SLC35F3: variants seen among roughly 807,000 people sequenced by gnomAD.
The protein encoded by SLC35F3 is putative thiamine transporter SLC35F3.
In SLC35F3, 25 loss-of-function variants were observed where a neutral mutation model predicts 49.9. The ratio of observed to expected loss-of-function variants is 0.50; its 90% CI spans 0.37 to 0.70. SLC35F3 has a LOEUF of 0.70. Among genes scored for constraint, SLC35F3 ranks in the 30% least tolerant of loss-of-function variants. SLC35F3 has a pLI of 0.00. For missense variants in SLC35F3, 525 were observed against 639.8 expected (o/e 0.82, Z 1.94); for synonymous variants, 275 against 265.4 (o/e 1.04, Z -0.35).
At chr1:234,285,206 G>T in intron 3 of SLC35F3, 1 of 402,226 alleles carries the variant, frequency 2.5e-6, no homozygotes, top group South Asian at 1.9e-5. Flanking sequence ...CTCATGCACA[G>T]AACATGATCA....
At chr1:233,907,958 T>G in intron 2 of SLC35F3, among the ~76,000 whole-genome samples, 1 of 152,214 alleles carries the variant, frequency 6.6e-6, no homozygotes, top group East Asian at 1.9e-4. Flanking sequence ...ACTCCTGACC[T>G]CAGGTTATCC....
intron 3 of SLC35F3, among the ~76,000 whole-genome samples, chr1:234,298,079 A>G (rs779519108): frequency 6.6e-6 from 1 of 152,212 alleles, no homozygotes; most frequent in Admixed American, 6.5e-5. Flanking sequence ...CAAACTCATT[A>G]AATTGTATAC....
At chr1:233,948,698 G>A (rs1006743329) in intron 2 of SLC35F3, among the ~76,000 whole-genome samples, 14 of 151,926 alleles carry the variant, frequency 9.2e-5, no homozygotes, top group African/African-American at 3.4e-4. Context: ...ATCTCCCAAT[G>A]CCATCCCTAC....
chr1:234,022,487 T>A (rs1663911647), intron 2 of SLC35F3, among the ~76,000 whole-genome samples: 1 of 152,170 alleles, frequency 6.6e-6, no homozygotes, highest in African/African-American at 2.4e-5. Context: ...CCTCAAGGCC[T>A]TCAACTGATT....
At chr1:234,267,676 G>T (rs1299989788) in intron 3 of SLC35F3, among the ~76,000 whole-genome samples, 1 of 150,162 alleles carries the variant, frequency 6.7e-6, no homozygotes, top group African/African-American at 2.5e-5. Flanking sequence ...GCTGCCGGGC[G>T]GAGACGCTCC....
chr1:234,213,622 T>C (rs995896995), intron 2 of SLC35F3: 5 of 152,234 alleles, frequency 3.3e-5, no homozygotes, highest in African/African-American at 4.8e-5. Flanking sequence ...GTGCCAGCAG[T>C]GAAGCTGGTG....
intron 3 of SLC35F3, among the ~76,000 whole-genome samples, chr1:234,253,588 A>T (rs1398667922): frequency 6.6e-6 from 1 of 152,194 alleles, no homozygotes; most frequent in Non-Finnish European, 1.5e-5. Context: ...GGTTAAATGC[A>T]TTATGTTGTC....
Position 234,323,412 on chromosome 1 carries a change from C to T in SLC35F3, c.*169C>T, listed in dbSNP as rs576275146. Reference sequence around the variant, plus strand: ...TTGCACTTTTCCACATCAGACCTTCCACTTAAGGGTACCAATTCAATACAA... The same window carrying T: ...TTGCACTTTTCCACATCAGACCTTCTACTTAAGGGTACCAATTCAATACAA... On this transcript the variant is annotated 3_prime_UTR_variant, in exon 8 of 8. Transcript: ENST00000366618. This position sits in a 1 kb window ranked among gnomAD's most constrained non-coding sequence, Gnocchi z 4.5. The T allele has an allele frequency of 2.1e-4, 126 of 609,768 alleles. 1 individual carries two copies. In the African/African-American group the frequency reaches 2.2e-3, roughly 11 times the overall value. The allele number at this position is 609,768 out of a possible 1,614,324, so 37.8% of individuals were successfully genotyped here.
intron 2 of SLC35F3, among the ~76,000 whole-genome samples, chr1:234,178,392 A>G (rs1477362659): frequency 6.7e-6 from 1 of 149,680 alleles, no homozygotes; most frequent in Non-Finnish European, 1.5e-5. Context: ...TGCCATTTAT[A>G]TTGTTTCTCT....
chr1:234,163,182 C>T (rs1189252391), intron 2 of SLC35F3, among the ~76,000 whole-genome samples: 2 of 152,194 alleles, frequency 1.3e-5, no homozygotes, highest in Non-Finnish European at 2.9e-5. Flanking sequence ...GAACTTTCAT[C>T]AGTTTTGGTT....
In SLC35F3 at chr1:234,248,551, G is replaced by C. The variant is rs529477569; in HGVS notation, c.608+16810G>C. ...GGCTGGTGCATTGTTTGGTGGGTTG[G>C]TTGGCTGGTTCATTTTTGGTTTCAG... On this transcript the variant is annotated intron_variant, in intron 3 of 7. Coordinates refer to ENST00000366618, the MANE Select transcript of SLC35F3 (RefSeq NM_173508.4). 2.0e-4 allele frequency among the ~76,000 whole-genome samples: 31 copies of C among 152,384 alleles called. 1 individual carries two copies. Among genetic ancestry groups the C allele is most frequent in the Middle Eastern group, 3.4e-3 (1 of 294 alleles).
At chr1:233,910,491 G>A (rs1661856406) in intron 2 of SLC35F3, among the ~76,000 whole-genome samples, 2 of 152,210 alleles carry the variant, frequency 1.3e-5, no homozygotes, top group African/African-American at 4.8e-5. Flanking sequence ...GTCAGTGTAT[G>A]TCAGAATAGA....
At chr1:234,085,448 A>C (rs1448877230) in intron 2 of SLC35F3, among the ~76,000 whole-genome samples, 1 of 152,168 alleles carries the variant, frequency 6.6e-6, no homozygotes, top group East Asian at 1.9e-4. Flanking sequence ...ATTTGGAGAT[A>C]AGTATTCCCC....
At chr1:234,250,763 A>G (rs1240601199) in intron 3 of SLC35F3, among the ~76,000 whole-genome samples, 1 of 152,082 alleles carries the variant, frequency 6.6e-6, no homozygotes, top group Non-Finnish European at 1.5e-5. Flanking sequence ...GCTTCCACTC[A>G]TGATGGAAGG....
At chr1:234,108,709 TATAAAAGATATA>T (rs1558231767) in intron 2 of SLC35F3, among the ~76,000 whole-genome samples, 1 of 73,274 alleles carries the variant, frequency 1.4e-5, no homozygotes, top group African/African-American at 5.2e-5. Flanking sequence ...ATATTATATA[TATAAAAGATATA>T]TATAAATATA....
At chr1:233,928,862 T>C (rs1662199735) in intron 2 of SLC35F3, among the ~76,000 whole-genome samples, 1 of 152,176 alleles carries the variant, frequency 6.6e-6, no homozygotes, top group Non-Finnish European at 1.5e-5. Flanking sequence ...CAACTTACCC[T>C]GATCTGATCT....
At position 234,231,791 on chromosome 1, in the gene SLC35F3, C is replaced by G. The variant is rs1353411657; in HGVS notation, c.608+50C>G. 10 of 1,533,344 alleles carry G rather than the reference C, an allele frequency of 6.5e-6. No homozygotes were observed. The highest frequency in any genetic ancestry group is 8.0e-6 in the Non-Finnish European group (9 of 1,127,368). 95.0% of individuals were successfully genotyped at this position (1,533,344 alleles called of 1,614,324 possible). A position where few individuals can be genotyped will look rare whatever the true frequency, so the allele number is the denominator to read the frequency against. On this transcript the variant is annotated intron_variant, in intron 3 of 7. Coordinates refer to ENST00000366618, the MANE Select transcript of SLC35F3 (RefSeq NM_173508.4). This position sits in a 1 kb window ranked among gnomAD's most constrained non-coding sequence, Gnocchi z 5.4. ...CCTCCTGACCCCGGGCTGCTCCATC[C>G]AGCGCTGACTCTGCAGAGCTGCCCC... is the stretch of plus-strand genomic sequence containing the variant.
intron 3 of SLC35F3, chr1:234,268,570 C>T (rs547246288): frequency 6.6e-6 from 1 of 152,184 alleles, no homozygotes; most frequent in East Asian, 1.9e-4. Context: ...AGAAACTGTA[C>T]AAAAAAGAAT....
intron 2 of SLC35F3, among the ~76,000 whole-genome samples, chr1:234,168,353 G>A (rs1666349011): frequency 1.3e-5 from 2 of 152,228 alleles, no homozygotes; most frequent in Non-Finnish European, 2.9e-5. Context: ...CCCTGCTGAC[G>A]TGGCATGTCA....
Sources: gnomAD v4.1 joint callset for allele counts (sites outside exome capture counted in the v4.1 genomes callset) on GRCh38, gnomAD v4.1.1 for gene constraint, Gnocchi (gnomAD v3.1) non-coding constraint, MANE v1.5 for transcripts, NCBI Gene and HGNC (gene_info 2026-07-23, HGNC 2026-07-21) for gene names.